CFAP46: variants seen among roughly 807,000 people sequenced by gnomAD.
CFAP46 encodes cilia and flagella associated protein 46, also known as cilia- and flagella-associated protein 46.
In CFAP46, 245 loss-of-function variants were observed where a neutral mutation model predicts 325.7. That is an observed-to-expected ratio of 0.75 (90% CI 0.68 to 0.84). The LOEUF is 0.84. Ranked by LOEUF, CFAP46 falls within the 40% of genes least tolerant of loss-of-function variation. The pLI is 0.00. For synonymous variants in CFAP46, 1,523 were observed against 1,495.9 expected (o/e 1.02, Z -0.42); for missense variants, 3,346 against 3,543.0 (o/e 0.94, Z 1.41).
At chr10:132,935,645 T>C (rs200708920) in intron 7 of CFAP46, among the ~76,000 whole-genome samples, 1 of 116,688 alleles carries the variant, frequency 8.6e-6, no homozygotes, top group South Asian at 2.9e-4. Flanking sequence ...ATCTCCTCAC[T>C]CCCCTCAGCA....
intron 7 of CFAP46, 82 bp downstream of exon 7, chr10:132,936,879 T>TC: frequency 4.0e-6 from 3 of 745,232 alleles, no homozygotes; most frequent in Non-Finnish European, 4.1e-6. Flanking sequence ...ACACAGGACC[T>TC]CCCCCCATGG....
chr10:132,925,774 C>A (rs1257104688), intron 10 of CFAP46, among the ~76,000 whole-genome samples: 1 of 152,230 alleles, frequency 6.6e-6, no homozygotes, highest in Admixed American at 6.5e-5. Context: ...GCAGTGCGGG[C>A]TGAGGATGGA....
In CFAP46 at chr10:132,836,923, C is replaced by T. The variant is rs761103741; in HGVS notation, c.6439-9G>A. 1.8e-5 allele frequency: 29 copies of T among 1,608,230 alleles called. No homozygotes were observed. The East Asian group carries it at 3.3e-4, about 19-fold the overall frequency. On this transcript the variant is annotated splice_polypyrimidine_tract_variant and intron_variant, in intron 44 of 57. Coordinates refer to ENST00000368586, the MANE Select transcript of CFAP46 (RefSeq NM_001200049.3). ...CAGAGATTTTGCCAAGCCTGTGTGG[C>T]GAAAAACGGCCATCAGGGGATGCAT...
intron 13 of CFAP46, among the ~76,000 whole-genome samples, 192 bp downstream of exon 13, chr10:132,921,912 T>G (rs1849728282): frequency 6.6e-6 from 1 of 152,162 alleles, no homozygotes; most frequent in African/African-American, 2.4e-5. Flanking sequence ...TTGACTGGCG[T>G]GTGCACAGAA....
chr10:132,890,918 C>T (rs955898636), intron 25 of CFAP46, among the ~76,000 whole-genome samples: 26 of 152,304 alleles, frequency 1.7e-4, no homozygotes, highest in African/African-American at 6.0e-4. Context: ...TTTTCTATTC[C>T]ACAGCATTTA....
At chr10:132,823,749 A>G (rs1591036189) in intron 50 of CFAP46, among the ~76,000 whole-genome samples, 1 of 82,848 alleles carries the variant, frequency 1.2e-5, no homozygotes, top group Non-Finnish European at 2.4e-5. Context: ...GTGTGCGCTG[A>G]TGTGTGCTGT....
intron 9 of CFAP46, among the ~76,000 whole-genome samples, chr10:132,926,889 C>T (rs4295969): frequency 0.37 from 55,934 of 152,140 alleles, 10,579 homozygotes; most frequent in Admixed American, 0.48. Context: ...CACCTGAGAG[C>T]GGCACGGGAG....
In CFAP46 at chr10:132,919,345, C is replaced by T. The variant is rs553819650; in HGVS notation, c.1828G>A (p.Val610Ile). ...CGCAGCCTCAACTTCTTCACCTTGA[C>T]GTTGTCATACAGGAGGCAGAAGCGG... Reference protein sequence around the residue: ...ASRFCLLYDNVKVKKLRLRRG... With the variant: ...ASRFCLLYDNIKVKKLRLRRG... Residue 610 changes from valine (V) to isoleucine (I), a missense_variant, in exon 15 of 58, where the codon GTC becomes ATC. Coordinates refer to ENST00000368586, the MANE Select transcript of CFAP46 (RefSeq NM_001200049.3). The surrounding 1 kb of genome is among the most constrained non-coding windows in gnomAD (Gnocchi z 9.7). 7.7e-6 allele frequency: 12 copies of T among 1,550,182 alleles called. No homozygotes were observed. The East Asian group carries it at 9.8e-5, about 13-fold the overall frequency.
intron 23 of CFAP46, 32 bp from the exon 24 acceptor site, chr10:132,899,153 C>A: frequency 6.5e-7 from 1 of 1,528,794 alleles, no homozygotes. Context: ...CGCGGTGGCT[C>A]CACCTGGGCC....
At chr10:132,907,208 G>A (rs774243299) in intron 22 of CFAP46, among the ~76,000 whole-genome samples, 8 of 152,242 alleles carry the variant, frequency 5.3e-5, no homozygotes, top group Non-Finnish European at 7.3e-5. Context: ...TTGGGTCAGC[G>A]GTTTCATCTT....
At chr10:132,844,628 C>G (rs1848404582) in intron 44 of CFAP46, among the ~76,000 whole-genome samples, 5 of 152,150 alleles carry the variant, frequency 3.3e-5, no homozygotes. Flanking sequence ...CTGATGGCTC[C>G]CACATGTCAA....
At chr10:132,854,820 C>A (rs994202272) in intron 39 of CFAP46, among the ~76,000 whole-genome samples, 2 of 152,226 alleles carry the variant, frequency 1.3e-5, no homozygotes, top group Non-Finnish European at 2.9e-5. Flanking sequence ...CCTTATCCTC[C>A]TTGCCCTGTT....
intron 11 of CFAP46, 53 bp from the exon 12 acceptor site, chr10:132,922,761 G>A (rs981556952): frequency 2.1e-6 from 3 of 1,420,040 alleles, no homozygotes; most frequent in African/African-American, 1.4e-5. Flanking sequence ...CCTCTGTCAG[G>A]CTGGGGTCAC....
At chr10:132,823,620 C>CTGTGTGCTGTGTGAGTGCTGA (rs1847947129) in intron 50 of CFAP46, among the ~76,000 whole-genome samples, 1 of 91,634 alleles carries the variant, frequency 1.1e-5, no homozygotes, top group Non-Finnish European at 2.0e-5. Context: ...TGTGTGTGTG[C>CTGTGTGCTGTGTGAGTGCTGA]TGTGTGCTGT....
Position 132,908,449 on chromosome 10 carries a change from A to T in CFAP46, c.2924+19T>A, listed in dbSNP as rs1357512196. 6.5e-7 allele frequency: 1 copy of T among 1,550,272 alleles called. No individual in the cohort carries two copies. The highest frequency in any genetic ancestry group is 2.0e-5 in the Admixed American group (1 of 51,006). On this transcript the variant is annotated intron_variant, in intron 22 of 57. Coordinates refer to ENST00000368586, the MANE Select transcript of CFAP46 (RefSeq NM_001200049.3). ...CTGCCCGTTTTGAGGGAATTTGTCC[A>T]GTCATGAGGGTTACTTACGGCCCAA...
intron 47 of CFAP46, among the ~76,000 whole-genome samples, chr10:132,835,090 G>A (rs56870137): frequency 0.054 from 8,163 of 152,336 alleles, 494 homozygotes; most frequent in African/African-American, 0.15. Context: ...GTGCTTCAGG[G>A]ATCAGACATG....
intron 22 of CFAP46, among the ~76,000 whole-genome samples, chr10:132,905,314 TC>T (rs373032312): frequency 1.8e-4 from 28 of 152,234 alleles, no homozygotes; most frequent in African/African-American, 6.7e-4. Flanking sequence ...GGACTCTGTC[TC>T]CCCGCCCTCC....
chr10:132,858,792 C>A (rs1848684089), intron 38 of CFAP46, among the ~76,000 whole-genome samples: 1 of 152,060 alleles, frequency 6.6e-6, no homozygotes, highest in Non-Finnish European at 1.5e-5. Context: ...GGTGCAAGGC[C>A]CAATGTGGAT....
At chr10:132,815,404 C>T (rs1045871773) in intron 50 of CFAP46, among the ~76,000 whole-genome samples, 9 of 152,302 alleles carry the variant, frequency 5.9e-5, no homozygotes, top group South Asian at 2.1e-4. Flanking sequence ...GCGGAATGGA[C>T]GCACGCATGG....
Sources: allele counts gnomAD v4.1 joint callset (sites outside exome capture counted in the v4.1 genomes callset), GRCh38; gene constraint gnomAD v4.1.1; non-coding constraint Gnocchi (gnomAD v3.1); transcripts MANE v1.5; gene names NCBI Gene and HGNC (gene_info 2026-07-23, HGNC 2026-07-21).